TSHR: variants seen among roughly 807,000 people sequenced by gnomAD.
TSHR encodes thyrotropin receptor.
A neutral mutation model predicts 64.1 loss-of-function variants in TSHR; 51 were observed. That is an observed-to-expected ratio of 0.80 (90% confidence interval 0.64 to 1.01). The LOEUF is 1.01. TSHR is among the 50% of genes least tolerant of loss of function. The pLI is 0.00. For synonymous variants in TSHR, 361 were observed against 361.9 expected (o/e 1.00, Z 0.03); for missense variants, 877 against 942.8 (o/e 0.93, Z 0.91).
intron 8 of TSHR, among the ~76,000 whole-genome samples, chr14:81,109,712 C>A (rs148833425): frequency 6.6e-6 from 1 of 152,214 alleles, no homozygotes; most frequent in African/African-American, 2.4e-5. Flanking sequence ...CTGAATGCAC[C>A]CAGTGCATTT....
intron 3 of TSHR, among the ~76,000 whole-genome samples, chr14:81,070,685 A>G (rs1477949422): frequency 6.7e-6 from 1 of 148,714 alleles, no homozygotes; most frequent in African/African-American, 2.5e-5. Flanking sequence ...ACTTTCAAGG[A>G]TGTAACAAGA....
At chr14:80,973,716 C>T (rs1057022222) in intron 1 of TSHR, among the ~76,000 whole-genome samples, 1 of 152,116 alleles carries the variant, frequency 6.6e-6, no homozygotes, top group Non-Finnish European at 1.5e-5. Context: ...TAACAATATC[C>T]TATTTCTATC....
intron 8 of TSHR, among the ~76,000 whole-genome samples, chr14:81,125,254 TAG>T (rs1425137503): frequency 6.6e-6 from 1 of 152,088 alleles, no homozygotes; most frequent in African/African-American, 2.4e-5. Flanking sequence ...CAGACAGTGA[TAG>T]AGTTATGAGA....
intron 1 of TSHR, among the ~76,000 whole-genome samples, chr14:81,029,440 A>T (rs1466782020): frequency 6.6e-6 from 1 of 152,110 alleles, no homozygotes; most frequent in East Asian, 1.9e-4. Flanking sequence ...GGAGACATGG[A>T]AGGGGAGCGA....
chr14:81,143,863 T>C lies in TSHR; in HGVS notation c.1805T>C (p.Val602Ala), dbSNP rs1461782655. ...TTCGTCATCGTCTGCTGCTGTTATG[T>C]GAAGATCTACATCACAGTCCGAAAT... ...VAFVIVCCCY[V>A]KIYITVRNPQ... Residue 602 changes from valine to alanine, a missense_variant, in exon 10 of 10, where the codon GTG becomes GCG. Val to Ala is a moderately conservative substitution (Grantham distance 64). Coordinates refer to ENST00000298171, the MANE Select transcript of TSHR (RefSeq NM_000369.5). 1 of 1,613,922 alleles carries C rather than the reference T, an allele frequency of 6.2e-7. No individual in the cohort carries two copies. The highest frequency in any genetic ancestry group is 1.1e-5 in the South Asian group (1 of 91,050).
At chr14:80,994,776 C>T (rs1412916586) in intron 1 of TSHR, 2 of 152,128 alleles carry the variant, frequency 1.3e-5, no homozygotes, top group African/African-American at 4.8e-5. Context: ...CTGTAAAAAC[C>T]TTGGAAGACA....
intron 2 of TSHR, among the ~76,000 whole-genome samples, chr14:81,066,052 A>T (rs1338242828): frequency 6.6e-6 from 1 of 152,208 alleles, no homozygotes; most frequent in Non-Finnish European, 1.5e-5. Context: ...TAAGCAGGGA[A>T]TCACAATTTT....
chr14:81,102,305 G>A (rs190421102), intron 7 of TSHR, among the ~76,000 whole-genome samples: 128 of 152,296 alleles, frequency 8.4e-4, no homozygotes, highest in African/African-American at 2.8e-3. Context: ...TCTGTGGGAG[G>A]CTTAGCTGAC....
intron 1 of TSHR, among the ~76,000 whole-genome samples, chr14:81,016,303 ATAACCATCC>A (rs1890181100): frequency 6.6e-6 from 1 of 152,154 alleles, no homozygotes; most frequent in African/African-American, 2.4e-5. Context: ...CTTTGTGTTG[ATAACCATCC>A]TAACAGATGT....
chr14:81,112,068 A>T (rs1310574986), intron 8 of TSHR, among the ~76,000 whole-genome samples: 1 of 152,104 alleles, frequency 6.6e-6, no homozygotes, highest in Non-Finnish European at 1.5e-5. Flanking sequence ...CTGCCTGAAA[A>T]TGCTTTCCCT....
intron 1 of TSHR, among the ~76,000 whole-genome samples, chr14:81,061,608 A>G (rs886689446): frequency 3.9e-5 from 6 of 152,100 alleles, no homozygotes; most frequent in Admixed American, 6.6e-5. Flanking sequence ...ACTCATGGAC[A>G]CAAAGAGAAC....
intron 7 of TSHR, among the ~76,000 whole-genome samples, chr14:81,106,216 G>A (rs954731535): frequency 3.3e-5 from 5 of 152,190 alleles, no homozygotes; most frequent in Non-Finnish European, 7.3e-5. Flanking sequence ...TGCCAAGTTT[G>A]GGCTATACCC....
At chr14:81,096,060 ATC>A (rs1889162319) in intron 6 of TSHR, among the ~76,000 whole-genome samples, 4 of 98,416 alleles carry the variant, frequency 4.1e-5, no homozygotes, top group African/African-American at 1.2e-4. Context: ...AAAAAAAAAA[ATC>A]CATAAGAGGA....
At chr14:81,011,696 A>G (rs1222717327) in intron 1 of TSHR, among the ~76,000 whole-genome samples, 2 of 152,118 alleles carry the variant, frequency 1.3e-5, no homozygotes, top group Non-Finnish European at 2.9e-5. Flanking sequence ...TATAATTTTT[A>G]GTCATATGTA....
At chr14:81,062,866 A>G (rs1015050672) in intron 2 of TSHR, among the ~76,000 whole-genome samples, 1 of 152,074 alleles carries the variant, frequency 6.6e-6, no homozygotes, top group African/African-American at 2.4e-5. Context: ...ACCAGAAGCA[A>G]CCTGTACAGT....
chr14:81,073,278 T>C (rs1887252913), intron 3 of TSHR, among the ~76,000 whole-genome samples: 1 of 151,676 alleles, frequency 6.6e-6, no homozygotes, highest in Non-Finnish European at 1.5e-5. Flanking sequence ...CTTATTTTAA[T>C]ATAGTTTTAT....
chr14:81,076,537 C>T (rs73334008), intron 3 of TSHR, among the ~76,000 whole-genome samples: 6,526 of 152,158 alleles, frequency 0.043, 464 homozygotes, highest in African/African-American at 0.15. Context: ...GTCCTGAAAT[C>T]TACTACTCCT....
chr14:81,113,562 T>G (rs952062514), intron 8 of TSHR, among the ~76,000 whole-genome samples: 4 of 150,826 alleles, frequency 2.7e-5, no homozygotes, highest in African/African-American at 9.9e-5. Context: ...CCCACCAATG[T>G]GATTTCCCTG....
chr14:81,146,250 T>C lies in TSHR; in HGVS notation c.*1897T>C. On this transcript the variant is annotated 3_prime_UTR_variant, in exon 10 of 10. Transcript: ENST00000298171. ...AAAGTGACTTCAACAGAATTGTTAC[T>C]AAAATTTGCACTCACAACATGAAAT... The C allele has an allele frequency of 4.8e-6, 1 of 207,098 alleles. No individual in the cohort carries two copies. The highest frequency in any genetic ancestry group is 7.3e-5 in the East Asian group (1 of 13,614). 12.8% of individuals were successfully genotyped at this position (207,098 alleles called of 1,614,324 possible).
Sources: gnomAD v4.1 joint callset for allele counts (sites outside exome capture counted in the v4.1 genomes callset) on GRCh38, gnomAD v4.1.1 for gene constraint, MANE v1.5 for transcripts, NCBI Gene and HGNC (gene_info 2026-07-23, HGNC 2026-07-21) for gene names.